Variants in ERAP1 observed in about 807,000 individuals in gnomAD.
ERAP1 encodes the protein endoplasmic reticulum aminopeptidase 1, also known as adipocyte-derived leucine aminopeptidase.
In ERAP1, 86 loss-of-function variants were observed where a neutral mutation model predicts 103.7. That is an observed-to-expected ratio of 0.83 (90% CI 0.70 to 0.99). ERAP1 has a LOEUF of 0.99. Ranked by LOEUF, ERAP1 falls within the 50% of genes least tolerant of loss-of-function variation. The probability of loss-of-function intolerance (pLI) is 0.00; values close to 1 mark genes in which losing one functional copy is unlikely to be tolerated. For synonymous variants in ERAP1, 398 were observed against 402.4 expected, an observed-to-expected ratio of 0.99 and a Z score of 0.13; for missense variants, 1,009 against 1,128.4, an observed-to-expected ratio of 0.89 and a Z score of 1.52.
At chr5:96,877,763 T>C in the ERAP1 span, among the ~76,000 whole-genome samples, 1 of 152,160 alleles carries the variant, frequency 6.6e-6, no homozygotes, top group African/African-American at 2.4e-5. Context: ...TTCAAGCTAA[T>C]AGACCAATTA....
chr5:96,876,050 A>G, the ERAP1 span: 1 of 152,412 alleles, frequency 6.6e-6, no homozygotes, highest in African/African-American at 2.4e-5. Context: ...GAGAATAATC[A>G]CCTCTGATAA....
chr5:96,814,069 G>A, the ERAP1 span: 1 of 316,518 alleles, frequency 3.2e-6, no homozygotes, highest in Non-Finnish European at 6.3e-6. Flanking sequence ...GTTTCTGTGG[G>A]TTGGTAGTTT....
At chr5:96,809,199 A>G (rs138972814), upstream of ERAP1, among the ~76,000 whole-genome samples, 2,502 of 152,188 alleles carry the variant, frequency 0.016, 60 homozygotes, top group African/African-American at 0.057. Flanking sequence ...CCTTACTGCA[A>G]CCTGTTTTAT....
chr5:96,799,747 A>T lies in ERAP1; in HGVS notation c.663+1115T>A, dbSNP rs1488852917. Reference sequence around the variant, plus strand: ...TGAAAAAGCACATCCTGTATATTAAATTTATATTAGGAAAATAGCATAATT... The same window carrying T: ...TGAAAAAGCACATCCTGTATATTAATTTTATATTAGGAAAATAGCATAATT... On this transcript the variant is annotated intron_variant, in intron 3 of 18. Coordinates refer to ENST00000443439, the MANE Select transcript of ERAP1 (RefSeq NM_001040458.3). 3.3e-5 allele frequency among the ~76,000 whole-genome samples: 5 copies of T among 152,360 alleles called. No homozygotes were observed. The South Asian group carries it at 6.2e-4, about 19-fold the overall frequency.
In ERAP1 at chr5:96,776,483, T is replaced by A; in HGVS notation, c.2739A>T (p.Glu913Asp). Residue 913 changes from glutamate (E) to aspartate (D), a missense_variant, in exon 19 of 19, where the codon GAA becomes GAT. This residue lies in a region of ERAP1 where 611 missense variants were observed against 651.7 expected (regional missense o/e 0.94). Transcript: ENST00000443439. ...TCCAACCGATGTTTTCTTCAATGGTTTCAATTGTCTGTTGGACACAACGGA... is the reference window on the plus strand; with the variant it reads ...TCCAACCGATGTTTTCTTCAATGGTATCAATTGTCTGTTGGACACAACGGA... ...SQLRCVQQTIETIEENIGWMD... is the reference protein window; with the variant it reads ...SQLRCVQQTIDTIEENIGWMD... The A allele has an allele frequency of 6.2e-7, 1 of 1,614,226 alleles. No homozygotes were observed. The highest frequency in any genetic ancestry group is 8.5e-7 in the Non-Finnish European group (1 of 1,180,040).
rs1774339171 is a variant in ERAP1, at chr5:96,776,567, T to G, written c.2671-16A>C. 6.2e-7 allele frequency: 1 copy of G among 1,612,426 alleles called. No individual in the cohort carries two copies. The highest frequency in any genetic ancestry group is 8.5e-7 in the Non-Finnish European group (1 of 1,179,634). On this transcript the variant is annotated splice_polypyrimidine_tract_variant and intron_variant, in intron 18 of 18. Coordinates refer to ENST00000443439, the MANE Select transcript of ERAP1 (RefSeq NM_001040458.3). Reference sequence around the variant, plus strand: ...ATCCTTTTACCTTGTGAGGAAAAAGTGGGTTTTAAAAAATTAATTTTATCA... The same window carrying G: ...ATCCTTTTACCTTGTGAGGAAAAAGGGGGTTTTAAAAAATTAATTTTATCA...
chr5:96,831,565 G>A, the ERAP1 span, among the ~76,000 whole-genome samples: 1 of 152,184 alleles, frequency 6.6e-6, no homozygotes, highest in Non-Finnish European at 1.5e-5. Flanking sequence ...CCTGCAGTTT[G>A]TGCAAAAGCT....
chr5:96,917,405 A>C, the ERAP1 span: 1 of 1,501,734 alleles, frequency 6.7e-7, no homozygotes, highest in East Asian at 2.5e-5. Context: ...ACAGGTGTGA[A>C]CCACCACACT....
At chr5:96,896,641 C>A in the ERAP1 span, 1 of 1,460,966 alleles carries the variant, frequency 6.8e-7, no homozygotes, top group Non-Finnish European at 9.2e-7. Context: ...AGACATCACA[C>A]ATGTTCCGTA....
chr5:96,925,502 C>G, the ERAP1 span, among the ~76,000 whole-genome samples: 1 of 152,222 alleles, frequency 6.6e-6, no homozygotes, highest in African/African-American at 2.4e-5. Context: ...CTTATTTACC[C>G]TAGAATTCCT....
chr5:96,915,606 A>G, the ERAP1 span: 2 of 693,134 alleles, frequency 2.9e-6, no homozygotes. Context: ...TTATTAATAT[A>G]CATTAAAAAT....
the ERAP1 span, among the ~76,000 whole-genome samples, chr5:96,898,572 CAAAAAA>C: frequency 3.2e-5 from 3 of 94,472 alleles, no homozygotes; most frequent in African/African-American, 1.3e-4. Flanking sequence ...TACTAAAATA[CAAAAAA>C]AAAAAAAAAA....
At chr5:96,893,705 AC>A in the ERAP1 span, among the ~76,000 whole-genome samples, 1 of 152,008 alleles carries the variant, frequency 6.6e-6, no homozygotes, top group Non-Finnish European at 1.5e-5. Flanking sequence ...TTTTGCCCCC[AC>A]TTTTTTGTCT....
the ERAP1 span, among the ~76,000 whole-genome samples, chr5:96,856,838 C>A: frequency 6.6e-6 from 1 of 152,166 alleles, no homozygotes; most frequent in African/African-American, 2.4e-5. Flanking sequence ...CAATATTTTA[C>A]GCATTTCACT....
At chr5:96,896,902 T>G in the ERAP1 span, 2 of 1,526,898 alleles carry the variant, frequency 1.3e-6, no homozygotes, top group Non-Finnish European at 1.8e-6. Context: ...TGTTATTTAA[T>G]CTAGAAAGTA....
chr5:96,767,080 C>G (rs760845255), intron 19 of ERAP1, among the ~76,000 whole-genome samples: 1 of 152,160 alleles, frequency 6.6e-6, no homozygotes, highest in Non-Finnish European at 1.5e-5. Context: ...TGATGACTTT[C>G]TAAGTGTAAT....
chr5:96,909,760 T>C, the ERAP1 span: 2 of 1,613,846 alleles, frequency 1.2e-6, no homozygotes, highest in South Asian at 2.2e-5. Flanking sequence ...CAGTGGAAAA[T>C]TAAAGTAGAT....
Position 96,774,905 on chromosome 5 carries a change from G to T in ERAP1, c.*1491C>A, listed in dbSNP as rs6879878. ...GTCGTGTATTAGGGGAACACATTTT[G>T]ACATTTTTCGTACCAATCATCAATC... is the stretch of plus-strand genomic sequence containing the variant. On this transcript the variant is annotated 3_prime_UTR_variant, in exon 19 of 19. Coordinates refer to ENST00000443439, the MANE Select transcript of ERAP1 (RefSeq NM_001040458.3). 7.2e-6 allele frequency: 7 copies of T among 978,710 alleles called. No homozygotes were observed. In the African/African-American group the frequency reaches 8.7e-5, roughly 12 times the overall value. The allele number at this position is 978,710 out of a possible 1,614,324, so 60.6% of individuals were successfully genotyped here. A position where few individuals can be genotyped will look rare whatever the true frequency, so the allele number is the denominator to read the frequency against.
the ERAP1 span, among the ~76,000 whole-genome samples, chr5:96,824,467 G>T: frequency 2.0e-5 from 3 of 152,140 alleles, no homozygotes; most frequent in Non-Finnish European, 4.4e-5. Context: ...ACTTCCTGAG[G>T]TCTATACATC....
Sources: gnomAD v4.1 joint callset for allele counts (sites outside exome capture counted in the v4.1 genomes callset) on GRCh38, gnomAD v4.1.1 for gene constraint, gnomAD v4.1.1 regional missense constraint, MANE v1.5 for transcripts, NCBI Gene and HGNC (gene_info 2026-07-23, HGNC 2026-07-21) for gene names.